LIG1: variants seen among roughly 807,000 people sequenced by gnomAD.
LIG1 encodes the protein DNA ligase 1, also known as ligase I, DNA, ATP-dependent.
Under a neutral mutation model 115.7 loss-of-function variants are expected in LIG1, and 70 were observed. The ratio of observed to expected loss-of-function variants is 0.60; its 90% CI spans 0.50 to 0.74. LIG1 has a LOEUF of 0.74. Ranked by LOEUF, LIG1 falls within the 30% of genes least tolerant of loss-of-function variation. The pLI is 0.00. For synonymous variants in LIG1, 487 were observed against 495.3 expected (o/e 0.98, Z 0.22); for missense variants, 1,115 against 1,225.6 (o/e 0.91, Z 1.35).
At chr19:48,140,935 G>A (rs888106649) in intron 11 of LIG1, among the ~76,000 whole-genome samples, 2 of 152,190 alleles carry the variant, frequency 1.3e-5, no homozygotes, top group African/African-American at 4.8e-5. Flanking sequence ...CCAGCTCTGC[G>A]GGAATGACTC....
In LIG1 at chr19:48,132,981, C is replaced by T. The variant is rs1229829344; in HGVS notation, c.1725+1G>A. On this transcript the variant is annotated splice_donor_variant, in intron 18 of 27. Transcript: ENST00000263274. LOFTEE classifies it high-confidence loss of function. Reference sequence around the variant, plus strand: ...GAAGGGACATGTCCCACTCCCCATACCTGTGCCCTCTGCCCGTCATATTTG... The same window carrying T: ...GAAGGGACATGTCCCACTCCCCATATCTGTGCCCTCTGCCCGTCATATTTG... 3 of 1,605,470 alleles carry T rather than the reference C, an allele frequency of 1.9e-6. No homozygotes were observed. The highest frequency in any genetic ancestry group is 2.6e-6 in the Non-Finnish European group (3 of 1,172,224).
chr19:48,140,123 A>C lies in LIG1; in HGVS notation c.935T>G (p.Leu312Arg). The change falls in exon 12 of 28, where the codon CTG becomes CGG. Residue 312 changes from leucine (L) to arginine (R), a missense_variant. Physicochemically the swap from Leu to Arg is moderately radical, Grantham distance 102. Transcript: ENST00000263274. ...VSARLRMVET[L>R]SNLLRSVVAL... is the part of the protein sequence containing the mutation. Reference sequence around the variant, plus strand: ...CACCACGGAGCGCAGCAAGTTGCTCAGCGTCTCCACCATCCGGAGCCTGGA... The same window carrying C: ...CACCACGGAGCGCAGCAAGTTGCTCCGCGTCTCCACCATCCGGAGCCTGGA... 1 of 1,612,190 alleles carries C rather than the reference A, an allele frequency of 6.2e-7. No homozygotes were observed. The highest frequency in any genetic ancestry group is 1.7e-5 in the Admixed American group (1 of 59,976).
chr19:48,127,934 T>C lies in LIG1; in HGVS notation c.1908A>G (p.Gln636=). 6.2e-7 allele frequency: 1 copy of C among 1,614,108 alleles called. No individual in the cohort carries two copies. The highest frequency in any genetic ancestry group is 8.5e-7 in the Non-Finnish European group (1 of 1,180,000). The change falls in exon 20 of 28, where the codon CAA becomes CAG. Residue 636 remains glutamine, a synonymous_variant. Coordinates refer to ENST00000263274, the MANE Select transcript of LIG1 (RefSeq NM_000234.3). ...CCTTGCGTTTGCGGGTGGTGAGCAC[T>C]TGGAATGGCTGGATCTGCTTCTTTT... is the stretch of plus-strand genomic sequence containing the variant. ...DREKKQIQPF[Q]VLTTRKRKEV...
intron 2 of LIG1, among the ~76,000 whole-genome samples, chr19:48,162,796 C>T (rs2123039567): frequency 6.6e-6 from 1 of 152,262 alleles, no homozygotes; most frequent in Admixed American, 6.5e-5. Flanking sequence ...AGCCCTTTAA[C>T]TTAACTGATA....
chr19:48,125,205 A>C (rs1023458932), intron 21 of LIG1, among the ~76,000 whole-genome samples: 1 of 152,242 alleles, frequency 6.6e-6, no homozygotes, highest in Non-Finnish European at 1.5e-5. Context: ...TGAAGGAATG[A>C]GAAGAAATAT....
At chr19:48,161,689 CG>C (rs1016968687) in intron 3 of LIG1, among the ~76,000 whole-genome samples, 182 bp from the exon 4 acceptor site, 3 of 152,120 alleles carry the variant, frequency 2.0e-5, no homozygotes, top group African/African-American at 7.2e-5. Context: ...TTAATCCACC[CG>C]CCCACTCATC....
At chr19:48,118,694 AC>A (rs1182753397) in intron 25 of LIG1, among the ~76,000 whole-genome samples, 1 of 152,004 alleles carries the variant, frequency 6.6e-6, no homozygotes, top group Admixed American at 6.6e-5. Context: ...ATGCGCCACC[AC>A]GCCCGGCAAG....
At chr19:48,162,397 A>G in intron 2 of LIG1, 46 bp from the exon 3 acceptor site, 1 of 1,350,064 alleles carries the variant, frequency 7.4e-7, no homozygotes, top group Non-Finnish European at 1.1e-6. Flanking sequence ...TAACAGCACC[A>G]ATACCCTGCC....
rs1046511412 is a variant in LIG1 at position 48,141,125 on chromosome 19, G to A, written c.915-982C>T. 5.9e-5 allele frequency among the ~76,000 whole-genome samples: 9 copies of A among 152,308 alleles called. No homozygotes were observed. In the East Asian group the frequency reaches 1.2e-3, roughly 20 times the overall value. On this transcript the variant is annotated intron_variant, in intron 11 of 27. Coordinates refer to ENST00000263274, the MANE Select transcript of LIG1 (RefSeq NM_000234.3). Reference sequence around the variant, plus strand: ...GCTACGGAGCATTTTCTAAATTCAGGAGCTGGCTTTGAGCACTTTGCACCT... The same window carrying A: ...GCTACGGAGCATTTTCTAAATTCAGAAGCTGGCTTTGAGCACTTTGCACCT...
chr19:48,133,934 G>T, intron 17 of LIG1, 47 bp downstream of exon 17: 1 of 1,491,438 alleles, frequency 6.7e-7, no homozygotes, highest in South Asian at 1.2e-5. Context: ...CGACTCAGGA[G>T]GGAGCAGGGC....
chr19:48,152,323 A>C (rs2035531005), intron 6 of LIG1, among the ~76,000 whole-genome samples: 1 of 152,106 alleles, frequency 6.6e-6, no homozygotes, highest in South Asian at 2.1e-4. Context: ...GGGTTTCACC[A>C]TGTTGGCCAG....
rs2035352408 is a variant in LIG1, at chr19:48,149,805, T to C, written c.734A>G (p.Glu245Gly). 9 of 1,614,132 alleles carry C rather than the reference T, an allele frequency of 5.6e-6. No individual in the cohort carries two copies. The highest frequency in any genetic ancestry group is 7.6e-6 in the Non-Finnish European group (9 of 1,180,008). Residue 245 changes from glutamate (E) to glycine (G), a missense_variant, in exon 9 of 28, where the codon GAA becomes GGA. Glu to Gly is a moderately conservative substitution (Grantham distance 98, BLOSUM62 -2). Transcript: ENST00000263274. Reference sequence around the variant, plus strand: ...CTTTCCTGGAGCCCCTGGCTCCTCTTCCTTCACTTCTTTTTTGACTGCTGG... The same window carrying C: ...CTTTCCTGGAGCCCCTGGCTCCTCTCCCTTCACTTCTTTTTTGACTGCTGG... ...RKPAVKKEVKEEEPGAPGKEG... is the reference protein window; with the variant it reads ...RKPAVKKEVKGEEPGAPGKEG...
intron 3 of LIG1, 137 bp downstream of exon 3, chr19:48,162,125 C>T (rs1599879098): frequency 3.9e-6 from 3 of 766,740 alleles, no homozygotes; most frequent in East Asian, 4.9e-5. Context: ...GCTGCTCTTG[C>T]TCTTGGACTT....
chr19:48,170,229 G>A lies in LIG1; in HGVS notation c.-58+12C>T, dbSNP rs1294524448. ...CTCCGCCTCCCATCTGCTTGCGGAC[G>A]GCCCCACTTGCCTTGCGTTGGTCCC... On this transcript the variant is annotated intron_variant, in intron 1 of 27. Transcript: ENST00000263274. 6.6e-6 allele frequency: 3 copies of A among 455,234 alleles called. No homozygotes were observed. In the Admixed American group the frequency reaches 7.1e-5, roughly 11 times the overall value. The allele number at this position is 455,234 out of a possible 1,614,324, so 28.2% of individuals were successfully genotyped here.
In LIG1 at chr19:48,153,932, C is replaced by T. The variant is rs1489487112; in HGVS notation, c.406G>A (p.Val136Ile). 11 of 1,613,734 alleles carry T rather than the reference C, an allele frequency of 6.8e-6. No homozygotes were observed. Among genetic ancestry groups the T allele is most frequent in the Non-Finnish European group, 8.5e-6 (10 of 1,179,870 alleles). ...TCGTCCTCACTCTGCTCTTCCAGGA[C>T]TTCCTGAATGGTCCGTTTCGGGAGC... ...KQLPKRTIQE[V>I]LEEQSEDEDR... Residue 136 changes from valine to isoleucine, a missense_variant, in exon 6 of 28, where the codon GTC (valine) becomes ATC (isoleucine). By Grantham distance (29) the Val-to-Ile change is conservative (BLOSUM62 3). Transcript: ENST00000263274.
rs778768010 is a variant in LIG1 at position 48,154,010 on chromosome 19, G to A, written c.371-43C>T. ...TTGGTGTATCTGACCTCGCTGGCTC[G>A]TGTGCTCCCATCCCGGAGAGCTCAC... On this transcript the variant is annotated intron_variant, in intron 5 of 27. Transcript: ENST00000263274. 3.7e-5 allele frequency: 56 copies of A among 1,530,668 alleles called. No homozygotes were observed. In the Admixed American group the frequency reaches 4.0e-4, roughly 11 times the overall value. 94.8% of individuals were successfully genotyped at this position (1,530,668 alleles called of 1,614,324 possible).
Position 48,115,699 on chromosome 19 carries a change from G to C in LIG1, c.2710C>G (p.Gln904Glu). 4.3e-6 allele frequency: 7 copies of C among 1,614,188 alleles called. No individual in the cohort carries two copies. Among genetic ancestry groups the C allele is most frequent in the Non-Finnish European group, 5.9e-6 (7 of 1,179,994 alleles). Residue 904 changes from glutamine (Q) to glutamate (E), a missense_variant, in exon 28 of 28, where the codon CAG (glutamine) becomes GAG (glutamate). By Grantham distance (29) the Gln-to-Glu change is conservative. Transcript: ENST00000263274. ...ACLYRKQSQI[Q>E]NQQGEDSGSD... ...CCTGAGTCCTCGCCTTGTTGGTTCT[G>C]AATCTGACTTTGCTTCCGGTACAAA...
At chr19:48,124,543 G>C (rs1248030906) in intron 21 of LIG1, among the ~76,000 whole-genome samples, 1 of 152,316 alleles carries the variant, frequency 6.6e-6, no homozygotes, top group Admixed American at 6.5e-5. Context: ...GATGTGCCAA[G>C]GGCAAAACAG....
chr19:48,127,330 T>C lies in LIG1; in HGVS notation c.1951A>G (p.Ile651Val). The C allele has an allele frequency of 6.2e-7, 1 of 1,613,586 alleles. No individual in the cohort carries two copies. Among genetic ancestry groups the C allele is most frequent in the Non-Finnish European group, 8.5e-7 (1 of 1,180,024 alleles). Residue 651 changes from isoleucine to valine, a missense_variant, in exon 21 of 28, where the codon ATC becomes GTC. Physicochemically the swap from Ile to Val is conservative, Grantham distance 29. Coordinates refer to ENST00000263274, the MANE Select transcript of LIG1 (RefSeq NM_000234.3). ...GCGTACAAACACACCTGCACCTGGA[T>C]CTCAGACGCATCCACCTCCTGGGTT... Reference protein sequence around the residue: ...RKRKEVDASEIQVQVCLYAFD... With the variant: ...RKRKEVDASEVQVQVCLYAFD...
Sources: allele counts gnomAD v4.1 joint callset (sites outside exome capture counted in the v4.1 genomes callset), GRCh38; gene constraint gnomAD v4.1.1; transcripts MANE v1.5; gene names NCBI Gene and HGNC (gene_info 2026-07-23, HGNC 2026-07-21).